Variants in SPIRE2 observed in about 807,000 individuals in gnomAD.
The protein encoded by SPIRE2 is spire type actin nucleation factor 2, also known as protein spire homolog 2.
Under a neutral mutation model 80.7 loss-of-function variants are expected in SPIRE2, and 76 were observed. The ratio of observed to expected loss-of-function variants is 0.94; its 90% confidence interval spans 0.78 to 1.14. The LOEUF is 1.14. Ranked by LOEUF, SPIRE2 falls within the 50% of genes most tolerant of loss-of-function variation. The pLI, the probability that SPIRE2 is intolerant of heterozygous loss-of-function variation, is 0.00. For missense variants in SPIRE2, 1,196 were observed against 1,015.3 expected (o/e 1.18, Z -2.42); for synonymous variants, 535 against 432.6 (o/e 1.24, Z -2.94).
intron 1 of SPIRE2, among the ~76,000 whole-genome samples, chr16:89,842,473 G>T (rs1422674758): frequency 6.6e-6 from 1 of 151,608 alleles, no homozygotes; most frequent in Non-Finnish European, 1.5e-5. Context: ...TCGGCCTCCC[G>T]AAGTGCTGGG....
At chr16:89,864,743 T>A (rs1185574748) in intron 12 of SPIRE2, among the ~76,000 whole-genome samples, 1 of 152,188 alleles carries the variant, frequency 6.6e-6, no homozygotes. Flanking sequence ...TGATACATCA[T>A]AAAAGCAAGA....
rs927582692 is a variant in SPIRE2, at chr16:89,837,957, C to T, written c.245-7365C>T. On this transcript the variant is annotated intron_variant, in intron 1 of 14. Coordinates refer to ENST00000378247, the MANE Select transcript of SPIRE2 (RefSeq NM_032451.2). ...ACAAACACAGACTCCTGGTTTCGTG[C>T]GGGCGTTTCTCCCTCTGGGCTTCCA... 3.3e-5 allele frequency among the ~76,000 whole-genome samples: 5 copies of T among 152,278 alleles called. No homozygotes were observed. The Middle Eastern group carries it at 0.014, about 414-fold the overall frequency.
intron 1 of SPIRE2, among the ~76,000 whole-genome samples, chr16:89,832,617 T>C (rs1465656771): frequency 6.6e-6 from 1 of 152,078 alleles, no homozygotes; most frequent in African/African-American, 2.4e-5. Context: ...CTGCCCTCAC[T>C]GTCCCTGGGC....
chr16:89,870,476 G>T lies in SPIRE2; in HGVS notation c.*204G>T. ...TTCAAAACCCTCCCTGGGGGAGGCT[G>T]TTTCTTCTCAGGATTCCTTGCCAGG... is the stretch of plus-strand genomic sequence containing the variant. On this transcript the variant is annotated 3_prime_UTR_variant, in exon 15 of 15. Transcript: ENST00000378247. The T allele has an allele frequency of 1.9e-6, 1 of 516,364 alleles. No homozygotes were observed. The highest frequency in any genetic ancestry group is 3.5e-6 in the Non-Finnish European group (1 of 289,416). 32.0% of individuals were successfully genotyped at this position (516,364 alleles called of 1,614,324 possible).
chr16:89,852,833 C>T lies in SPIRE2; in HGVS notation c.646-1453C>T, dbSNP rs2041647031. 3.7e-5 allele frequency among the ~76,000 whole-genome samples: 2 copies of T among 54,288 alleles called. 1 individual carries two copies. Among genetic ancestry groups the T allele is most frequent in the African/African-American group, 1.6e-4 (2 of 12,156 alleles). 35.6% of individuals were successfully genotyped at this position (54,288 alleles called of 152,430 possible). A position where few individuals can be genotyped will look rare whatever the true frequency, so the allele number is the denominator to read the frequency against. ...CCCCCCGGATCCCATGGCCCGTCTT[C>T]CGTCCTCCCTCTCACCCCCCGCATC... On this transcript the variant is annotated intron_variant, in intron 3 of 14. Transcript: ENST00000378247.
At chr16:89,862,727 T>G (rs1597223567) in intron 10 of SPIRE2, 1 of 152,338 alleles carries the variant, frequency 6.6e-6, no homozygotes, top group Non-Finnish European at 1.5e-5. Context: ...TTCACAGCTT[T>G]AGACAGGACA....
At chr16:89,859,122 G>A in intron 8 of SPIRE2, 43 bp from the exon 9 acceptor site, 1 of 1,483,336 alleles carries the variant, frequency 6.7e-7, no homozygotes, top group African/African-American at 1.4e-5. Context: ...AGGAGGCACT[G>A]GCGGGCATTG....
chr16:89,845,281 G>A lies in SPIRE2; in HGVS notation c.245-41G>A, dbSNP rs544539678. ...GGACAGCAGTGTTTATTGGGGTCCC[G>A]GGGATGCTGACAAATAACTTAACTC... On this transcript the variant is annotated intron_variant, in intron 1 of 14. Coordinates refer to ENST00000378247, the MANE Select transcript of SPIRE2 (RefSeq NM_032451.2). 53 of 1,601,558 alleles carry A rather than the reference G, an allele frequency of 3.3e-5. 1 individual carries two copies. The highest frequency in any genetic ancestry group is 2.6e-4 in the South Asian group (24 of 90,792).
intron 5 of SPIRE2, 108 bp from the exon 6 acceptor site, chr16:89,855,492 G>A (rs1049575823): frequency 1.0e-5 from 9 of 882,444 alleles, no homozygotes; most frequent in Middle Eastern, 2.5e-4. Context: ...GTGGGAGGGC[G>A]GGTAGGTGCG....
At chr16:89,854,940 T>A (rs1354804438) in intron 5 of SPIRE2, among the ~76,000 whole-genome samples, 1 of 27,248 alleles carries the variant, frequency 3.7e-5, no homozygotes, top group Non-Finnish European at 6.9e-5. Flanking sequence ...GGCTGTAGGA[T>A]TTTTTTTTTC....
intron 2 of SPIRE2, among the ~76,000 whole-genome samples, chr16:89,847,346 T>C (rs1006725123): frequency 6.6e-6 from 1 of 152,230 alleles, no homozygotes; most frequent in African/African-American, 2.4e-5. Flanking sequence ...TGTGTCTCAC[T>C]GTTGCGTTGT....
At chr16:89,846,472 AG>A (rs2041561409) in intron 2 of SPIRE2, 1 of 149,912 alleles carries the variant, frequency 6.7e-6, no homozygotes, top group Non-Finnish European at 1.5e-5. Flanking sequence ...CCTCCCGAGT[AG>A]CTGAGATTAC....
chr16:89,842,026 C>G (rs1194585844), intron 1 of SPIRE2, among the ~76,000 whole-genome samples: 2 of 152,000 alleles, frequency 1.3e-5, no homozygotes, highest in East Asian at 2.0e-4. Flanking sequence ...CCGCACCCCA[C>G]AGTAAATAAT....
In SPIRE2 at chr16:89,854,727, T is replaced by C. The variant is rs2041673035; in HGVS notation, c.891+76T>C. On this transcript the variant is annotated intron_variant, in intron 5 of 14. Transcript: ENST00000378247. ...GCGGGGCGGACGCAGATGAGCAGCC[T>C]GGATGTTGGGCAGCCCACCCCAGAG... The C allele has an allele frequency of 4.6e-6, 7 of 1,535,140 alleles. No homozygotes were observed. The East Asian group carries it at 1.6e-4, about 35-fold the overall frequency.
At chr16:89,850,049 GCT>G in intron 2 of SPIRE2, 1 of 609,342 alleles carries the variant, frequency 1.6e-6, no homozygotes. Flanking sequence ...TGTTGGTCAG[GCT>G]GGTCTTGAAC....
intron 1 of SPIRE2, among the ~76,000 whole-genome samples, chr16:89,840,164 G>A (rs1196437239): frequency 1.3e-5 from 2 of 151,496 alleles, no homozygotes; most frequent in South Asian, 2.1e-4. Flanking sequence ...AGTGTGGGAC[G>A]ACCTTCCTCT....
In SPIRE2 at chr16:89,854,355, C is replaced by T. The variant is rs1242371375; in HGVS notation, c.715C>T (p.His239Tyr). The change falls in exon 4 of 15, where the codon CAC becomes TAC. Residue 239 changes from histidine (H) to tyrosine (Y), a missense_variant. Transcript: ENST00000378247. ...TCGGGCAGAGCTGGACAGCCTGGGT[C>T]ACACAGACTGGGTAAGGCTCACTCC... Reference protein sequence around the residue: ...TPRAELDSLGHTDWARLWVQL... With the variant: ...TPRAELDSLGYTDWARLWVQL... 1 of 1,612,380 alleles carries T rather than the reference C, an allele frequency of 6.2e-7. No individual in the cohort carries two copies. The highest frequency in any genetic ancestry group is 1.1e-5 in the South Asian group (1 of 91,018).
In SPIRE2 at chr16:89,828,711, C is replaced by A; in HGVS notation, c.161C>A (p.Ser54Ter). The A allele has an allele frequency of 1.6e-6, 2 of 1,268,700 alleles. No homozygotes were observed. Among genetic ancestry groups the A allele is most frequent in the East Asian group, 3.3e-5 (1 of 30,106 alleles). The allele number at this position is 1,268,700 out of a possible 1,614,324, so 78.6% of individuals were successfully genotyped here. Residue 54 changes from serine to a stop codon, truncating the protein, a stop_gained, in exon 1 of 15, where the codon TCG (serine) becomes TAG (stop). Coordinates refer to ENST00000378247, the MANE Select transcript of SPIRE2 (RefSeq NM_032451.2). LOFTEE classifies it high-confidence loss of function. The surrounding 1 kb of genome is among the most constrained non-coding windows in gnomAD (Gnocchi z 5.9). ...CAGGGCTGCCGCGGGCTGCGGGGCTCGCCGGGCCGGCGCCTGCGGGATACC... is the reference window on the plus strand; with the variant it reads ...CAGGGCTGCCGCGGGCTGCGGGGCTAGCCGGGCCGGCGCCTGCGGGATACC... ...CFQGCRGLRG[S>*]PGRRLRDTGD...
rs1033013206 is a variant in SPIRE2 at position 89,869,757 on chromosome 16, G to A, written c.1922+75G>A. 1.1e-5 allele frequency: 13 copies of A among 1,181,492 alleles called. No individual in the cohort carries two copies. In the African/African-American group the frequency reaches 1.6e-4, roughly 15 times the overall value. 73.2% of individuals were successfully genotyped at this position (1,181,492 alleles called of 1,614,324 possible). The stretch of plus-strand genomic sequence containing the variant: ...GAGGAACTTGGGAGCTGGGGTGGAG[G>A]GGGCTGGCTTTGTCTGTTTGCTAGG... On this transcript the variant is annotated intron_variant, in intron 14 of 14. Transcript: ENST00000378247.
Sources: gnomAD v4.1 joint callset for allele counts (sites outside exome capture counted in the v4.1 genomes callset) on GRCh38, gnomAD v4.1.1 for gene constraint, Gnocchi (gnomAD v3.1) non-coding constraint, MANE v1.5 for transcripts, NCBI Gene and HGNC (gene_info 2026-07-23, HGNC 2026-07-21) for gene names.